CSMD3: variants seen among roughly 807,000 people sequenced by gnomAD.
CSMD3 encodes CUB and sushi domain-containing protein 3.
CSMD3 carries 177 observed loss-of-function variants against 435.2 expected under a neutral mutation model. The ratio of observed to expected loss-of-function variants is 0.41; its 90% confidence interval spans 0.36 to 0.46. CSMD3 has a LOEUF of 0.46. Among genes scored for constraint, CSMD3 ranks in the 20% least tolerant of loss-of-function variants. CSMD3 has a pLI of 0.34. For synonymous variants in CSMD3, 1,656 were observed against 1,520.5 expected, an observed-to-expected ratio of 1.09 and a Z score of -2.07; for missense variants, 4,265 against 4,504.6, an observed-to-expected ratio of 0.95 and a Z score of 1.52.
chr8:112,609,152 A>C (rs900411359), intron 22 of CSMD3, among the ~76,000 whole-genome samples: 2 of 139,910 alleles, frequency 1.4e-5, no homozygotes, highest in Admixed American at 7.6e-5. Flanking sequence ...CAGTGAGCCA[A>C]AGACGCACCA....
At chr8:112,270,369 T>TGTGTGTGTGTGTGTGTGTGTTAGGGGTGA (rs1817400630) in intron 59 of CSMD3, among the ~76,000 whole-genome samples, 1 of 150,466 alleles carries the variant, frequency 6.6e-6, no homozygotes, top group African/African-American at 2.4e-5. Flanking sequence ...TGTGTGTGTG[T>TGTGTGTGTGTGTGTGTGTGTTAGGGGTGA]GTGTGTGTGT....
intron 12 of CSMD3, among the ~76,000 whole-genome samples, chr8:112,812,751 T>C (rs980384380): frequency 6.6e-6 from 1 of 152,202 alleles, no homozygotes; most frequent in Non-Finnish European, 1.5e-5. Context: ...GCTTCTTTAA[T>C]ACATGTTTAT....
At chr8:112,403,207 AATCT>A (rs1831487610) in intron 35 of CSMD3, among the ~76,000 whole-genome samples, 1 of 152,200 alleles carries the variant, frequency 6.6e-6, no homozygotes, top group Non-Finnish European at 1.5e-5. Context: ...GAGAAGCAGT[AATCT>A]ATCAATTAAT....
Position 112,720,902 on chromosome 8 carries a change from T to C in CSMD3, c.1973-30852A>G, listed in dbSNP as rs1483215280. Among the ~76,000 whole-genome samples, 3 of 152,320 alleles carry C rather than the reference T, an allele frequency of 2.0e-5. No individual in the cohort carries two copies. In the East Asian group the frequency reaches 5.8e-4, roughly 29 times the overall value. ...TCTTCAAGAGAAATTTGTATGACTT[T>C]AGTATTCTGAAATTATCAGTTTGGA... is the stretch of plus-strand genomic sequence containing the variant. On this transcript the variant is annotated intron_variant, in intron 13 of 70. Transcript: ENST00000297405.
At chr8:112,755,518 C>T (rs1343335735) in intron 13 of CSMD3, among the ~76,000 whole-genome samples, 1 of 151,172 alleles carries the variant, frequency 6.6e-6, no homozygotes, top group East Asian at 1.9e-4. Flanking sequence ...CCCCTTCGGC[C>T]ATGATGGTAA....
chr8:113,175,758 G>T (rs1454515280), intron 3 of CSMD3, among the ~76,000 whole-genome samples: 4 of 152,010 alleles, frequency 2.6e-5, no homozygotes, highest in Non-Finnish European at 5.9e-5. Flanking sequence ...TAACAAAGGA[G>T]ATACTTTTAA....
At chr8:112,564,320 TCCCTTCCTTCTC>T (rs1428676840) in intron 24 of CSMD3, among the ~76,000 whole-genome samples, 1 of 150,350 alleles carries the variant, frequency 6.7e-6, no homozygotes, top group East Asian at 2.0e-4. Flanking sequence ...CCTTCCTTCT[TCCCTTCCTTCTC>T]CCCTCCCTTC....
At chr8:112,238,609 C>T (rs976660473) in intron 66 of CSMD3, among the ~76,000 whole-genome samples, 4 of 151,612 alleles carry the variant, frequency 2.6e-5, no homozygotes, top group Admixed American at 2.0e-4. Context: ...TGAAATACTG[C>T]TGAATGTTTT....
At chr8:113,296,336 TG>T (rs2132556650) in intron 2 of CSMD3, among the ~76,000 whole-genome samples, 1 of 146,148 alleles carries the variant, frequency 6.8e-6, no homozygotes, top group East Asian at 2.2e-4. Context: ...CTGGGCAACA[TG>T]GTGAAACCAC....
intron 67 of CSMD3, among the ~76,000 whole-genome samples, chr8:112,235,679 A>G (rs1305539462): frequency 6.6e-6 from 1 of 152,150 alleles, no homozygotes; most frequent in Non-Finnish European, 1.5e-5. Flanking sequence ...ATTCTAACTT[A>G]ATTGTTCACC....
chr8:113,035,782 G>A (rs1490606449), intron 5 of CSMD3, among the ~76,000 whole-genome samples: 5 of 151,902 alleles, frequency 3.3e-5, no homozygotes, highest in Admixed American at 3.3e-4. Flanking sequence ...AGGATCAGAG[G>A]TATTTGAAGT....
intron 45 of CSMD3, among the ~76,000 whole-genome samples, chr8:112,324,238 A>G (rs1186455065): frequency 6.6e-6 from 1 of 151,870 alleles, no homozygotes; most frequent in Non-Finnish European, 1.5e-5. Context: ...CCACATCTTC[A>G]TTTCTGGCAA....
intron 1 of CSMD3, among the ~76,000 whole-genome samples, chr8:113,327,923 G>A (rs544643557): frequency 1.3e-5 from 2 of 152,230 alleles, no homozygotes; most frequent in South Asian, 4.1e-4. Flanking sequence ...TATTCACAAG[G>A]TTATGTGCAT....
chr8:112,873,758 A>G (rs1406556888), intron 10 of CSMD3, among the ~76,000 whole-genome samples: 1 of 151,850 alleles, frequency 6.6e-6, no homozygotes, highest in Non-Finnish European at 1.5e-5. Flanking sequence ...CAGTGGTGAT[A>G]CCCCCTTTAT....
chr8:113,244,689 CAT>C (rs1421847847), intron 3 of CSMD3, among the ~76,000 whole-genome samples: 1 of 152,130 alleles, frequency 6.6e-6, no homozygotes, highest in Non-Finnish European at 1.5e-5. Context: ...ATACCAGCAA[CAT>C]GTGGAAAATG....
intron 27 of CSMD3, among the ~76,000 whole-genome samples, chr8:112,542,013 C>T (rs547715043): frequency 3.3e-5 from 5 of 151,812 alleles, no homozygotes; most frequent in African/African-American, 1.2e-4. Flanking sequence ...TTTTGATACA[C>T]CACATTAACA....
chr8:112,282,888 A>G (rs1248509926), intron 58 of CSMD3, among the ~76,000 whole-genome samples: 1 of 152,090 alleles, frequency 6.6e-6, no homozygotes, highest in Non-Finnish European at 1.5e-5. Flanking sequence ...TACATTTAGT[A>G]CTAGTCAACC....
At chr8:113,075,169 T>C (rs1007952272) in intron 5 of CSMD3, among the ~76,000 whole-genome samples, 3 of 151,770 alleles carry the variant, frequency 2.0e-5, no homozygotes, top group South Asian at 2.1e-4. Flanking sequence ...ATACTGAAGA[T>C]ATTGCTAATA....
chr8:113,394,159 TACAC>T lies in CSMD3; in HGVS notation c.178+42514_178+42517del, dbSNP rs3080772. ...AAAAAACTCTAATAATTTGTTGAAT[TACAC>T]ACACACACACACACACACACACACA... On this transcript the variant is annotated intron_variant, in intron 1 of 70. Transcript: ENST00000297405. 1.0e-2 allele frequency among the ~76,000 whole-genome samples: 1,372 copies of T among 137,230 alleles called. 18 individuals carry two copies. The highest frequency in any genetic ancestry group is 0.031 in the African/African-American group (1,212 of 38,714). 90.0% of individuals were successfully genotyped at this position (137,230 alleles called of 152,430 possible).
Sources: gnomAD v4.1 joint callset for allele counts (sites outside exome capture counted in the v4.1 genomes callset) on GRCh38, gnomAD v4.1.1 for gene constraint, MANE v1.5 for transcripts, NCBI Gene and HGNC (gene_info 2026-07-23, HGNC 2026-07-21) for gene names.